The following ARHGDIB variants were observed in gnomAD, a reference collection of about 807,000 sequenced individuals.
ARHGDIB encodes the protein rho GDP-dissociation inhibitor 2.
ARHGDIB carries 20 observed loss-of-function variants against 22.6 expected under a neutral mutation model. The ratio of observed to expected loss-of-function variants is 0.88; its 90% confidence interval spans 0.62 to 1.28. The LOEUF is 1.28. Among genes scored for constraint, ARHGDIB ranks in the 50% most tolerant of loss-of-function variants. The pLI is 0.00. For missense variants in ARHGDIB, 254 were observed against 245.4 expected (o/e 1.04, Z -0.23); for synonymous variants, 114 against 96.1 (o/e 1.19, Z -1.09).
At chr12:14,957,214 A>G (rs547699190) in intron 1 of ARHGDIB, among the ~76,000 whole-genome samples, 1 of 152,338 alleles carries the variant, frequency 6.6e-6, no homozygotes, top group Admixed American at 6.5e-5. Context: ...TATCACCACT[A>G]AAATGGGGAT....
intron 1 of ARHGDIB, among the ~76,000 whole-genome samples, chr12:14,959,567 G>C (rs1420309596): frequency 1.3e-5 from 2 of 151,990 alleles, no homozygotes; most frequent in African/African-American, 4.8e-5. Flanking sequence ...GCATAATTTC[G>C]ACTCCCCAGG....
At chr12:14,957,147 A>T (rs1864318951) in intron 1 of ARHGDIB, among the ~76,000 whole-genome samples, 1 of 152,208 alleles carries the variant, frequency 6.6e-6, no homozygotes, top group African/African-American at 2.4e-5. Context: ...ATTCAAAACC[A>T]GGCTCTGCAT....
At chr12:14,954,141 C>A (rs1224744348) in intron 1 of ARHGDIB, among the ~76,000 whole-genome samples, 1 of 152,102 alleles carries the variant, frequency 6.6e-6, no homozygotes, top group Non-Finnish European at 1.5e-5. Context: ...ACCTGCCTGG[C>A]TAATTTTTTG....
Position 14,945,207 on chromosome 12 carries a change from T to C in ARHGDIB, c.343-368A>G, listed in dbSNP as rs1291644754. ...ATACTGCTGACCAAGAGACCATCCT[T>C]GTCTTAGGAAAAGTTATGAAGATAC... On this transcript the variant is annotated intron_variant, in intron 4 of 5. Transcript: ENST00000228945. Among the ~76,000 whole-genome samples the C allele has an allele frequency of 2.0e-5, 3 of 152,196 alleles. No individual in the cohort carries two copies. The East Asian group carries it at 5.8e-4, about 29-fold the overall frequency.
rs1863907718 is a variant in ARHGDIB at position 14,942,948 on chromosome 12, A to C, written c.407-227T>G. 2.0e-5 allele frequency among the ~76,000 whole-genome samples: 3 copies of C among 151,812 alleles called. No individual in the cohort carries two copies. The South Asian group carries it at 6.2e-4, about 31-fold the overall frequency. ...CGGAAGCACAATCTCGGCTCACCAC[A>C]ACCTCCACCTCCCAGGTTCCAGTGA... On this transcript the variant is annotated intron_variant, in intron 5 of 5. Transcript: ENST00000228945.
At chr12:14,945,555 G>C (rs1404316452) in intron 4 of ARHGDIB, among the ~76,000 whole-genome samples, 1 of 152,210 alleles carries the variant, frequency 6.6e-6, no homozygotes, top group African/African-American at 2.4e-5. Flanking sequence ...TGGGTTGTCT[G>C]TTAATTTTAC....
chr12:14,961,009 A>G (rs921234191), intron 1 of ARHGDIB: 2 of 152,304 alleles, frequency 1.3e-5, no homozygotes, highest in East Asian at 3.9e-4. Context: ...ATCACCAGAA[A>G]ATTATTTAGT....
At chr12:14,960,396 C>T (rs1035239672) in intron 1 of ARHGDIB, among the ~76,000 whole-genome samples, 27 of 152,174 alleles carry the variant, frequency 1.8e-4, no homozygotes, top group African/African-American at 6.5e-4. Context: ...ATCAGCTGTC[C>T]TAGCTGGGCC....
chr12:14,959,942 G>A (rs1204165318), intron 1 of ARHGDIB, among the ~76,000 whole-genome samples: 1 of 152,164 alleles, frequency 6.6e-6, no homozygotes, highest in Non-Finnish European at 1.5e-5. Flanking sequence ...TGCTTTGGGA[G>A]GGAATATATT....
intron 1 of ARHGDIB, among the ~76,000 whole-genome samples, chr12:14,953,926 T>TTCCTTCC (rs1565464253): frequency 2.0e-5 from 3 of 150,478 alleles, no homozygotes; most frequent in African/African-American, 7.4e-5. Context: ...CTCTCCCTTC[T>TTCCTTCC]TTCCTTCCTT....
chr12:14,954,629 GA>G (rs1364701439), intron 1 of ARHGDIB, among the ~76,000 whole-genome samples: 1 of 152,174 alleles, frequency 6.6e-6, no homozygotes, highest in Non-Finnish European at 1.5e-5. Flanking sequence ...CATCTTGGGG[GA>G]TGAGGGATTA....
intron 1 of ARHGDIB, among the ~76,000 whole-genome samples, chr12:14,958,016 C>G (rs1864336732): frequency 6.6e-6 from 1 of 152,230 alleles, no homozygotes; most frequent in Non-Finnish European, 1.5e-5. Flanking sequence ...TCCCTGCTGA[C>G]TAGGATATGT....
At chr12:14,959,145 A>G (rs920565307) in intron 1 of ARHGDIB, among the ~76,000 whole-genome samples, 3 of 152,232 alleles carry the variant, frequency 2.0e-5, no homozygotes, top group African/African-American at 7.2e-5. Context: ...TAGGCCATGC[A>G]TGGTGGCTCA....
At chr12:14,949,754 T>A (rs748381519) in intron 3 of ARHGDIB, 48 bp downstream of exon 3, 2 of 1,575,498 alleles carry the variant, frequency 1.3e-6, no homozygotes, top group African/African-American at 2.7e-5. Context: ...CAAGTTTTCT[T>A]TGTGATATCT....
intron 1 of ARHGDIB, among the ~76,000 whole-genome samples, chr12:14,957,303 C>T (rs537061451): frequency 1.3e-5 from 2 of 152,166 alleles, no homozygotes; most frequent in South Asian, 2.1e-4. Flanking sequence ...ATAGATGTTC[C>T]GTGAATATTT....
Position 14,944,847 on chromosome 12 carries a change from TG to T in ARHGDIB, c.343-9del. On this transcript the variant is annotated splice_polypyrimidine_tract_variant and intron_variant, in intron 4 of 5. Coordinates refer to ENST00000228945, the MANE Select transcript of ARHGDIB (RefSeq NM_001175.7). The stretch of plus-strand genomic sequence containing the variant: ...CACAATATCCCTGTTCACCTGCAGG[TG>T]GGAAGGAACCAAGATGTTCAGATTA... The T allele has an allele frequency of 1.9e-6, 3 of 1,612,756 alleles. No homozygotes were observed. Among genetic ancestry groups the T allele is most frequent in the Non-Finnish European group, 2.5e-6 (3 of 1,179,258 alleles).
At position 14,949,804 on chromosome 12, in the gene ARHGDIB, G is replaced by C; in HGVS notation, c.263C>G (p.Thr88Ser). 6.2e-7 allele frequency: 1 copy of C among 1,613,388 alleles called. No homozygotes were observed. The highest frequency in any genetic ancestry group is 8.5e-7 in the Non-Finnish European group (1 of 1,179,496). ...SAPGPITMDL[T>S]GDLEALKKET... ...ACAGTACAGATGTGTCTACATACCAGTAAGGTCCATGGTGATTGGTCCCGG... is the reference window on the plus strand; with the variant it reads ...ACAGTACAGATGTGTCTACATACCACTAAGGTCCATGGTGATTGGTCCCGG... Residue 88 changes from threonine (T) to serine (S), a missense_variant and splice_region_variant, in exon 3 of 6, where the codon ACT becomes AGT. Coordinates refer to ENST00000228945, the MANE Select transcript of ARHGDIB (RefSeq NM_001175.7).
In ARHGDIB at chr12:14,960,166, G is replaced by A. The variant is rs558993711; in HGVS notation, c.-13+1371C>T. Among the ~76,000 whole-genome samples, 7 of 152,282 alleles carry A rather than the reference G, an allele frequency of 4.6e-5. No individual in the cohort carries two copies. The East Asian group carries it at 1.4e-3, about 29-fold the overall frequency. On this transcript the variant is annotated intron_variant, in intron 1 of 5. Transcript: ENST00000228945. Reference sequence around the variant, plus strand: ...TGGTGACCATGAGCCCTCCGGGTGAGAGCAGTCTGCCTTTCCCCACTCTGA... The same window carrying A: ...TGGTGACCATGAGCCCTCCGGGTGAAAGCAGTCTGCCTTTCCCCACTCTGA...
intron 1 of ARHGDIB, among the ~76,000 whole-genome samples, chr12:14,953,375 T>A (rs1012368437): frequency 6.6e-6 from 1 of 152,204 alleles, no homozygotes; most frequent in African/African-American, 2.4e-5. Flanking sequence ...AATAAAGGAC[T>A]GGAAGAGCAG....
Sources: gnomAD v4.1 joint callset for allele counts (sites outside exome capture counted in the v4.1 genomes callset) on GRCh38, gnomAD v4.1.1 for gene constraint, MANE v1.5 for transcripts, NCBI Gene and HGNC (gene_info 2026-07-23, HGNC 2026-07-21) for gene names.